Variants in RANBP17 observed in about 807,000 individuals in gnomAD.
RANBP17 encodes ran-binding protein 17.
In RANBP17, 158 loss-of-function variants were observed where a neutral mutation model predicts 141.2. That is an observed-to-expected ratio of 1.12 (90% CI 0.98 to 1.28). RANBP17 has a LOEUF of 1.28. Among genes scored for constraint, RANBP17 ranks in the 50% most tolerant of loss-of-function variants. RANBP17 has a pLI of 0.00. For missense variants in RANBP17, 1,438 were observed against 1,290.7 expected, an observed-to-expected ratio of 1.11 and a Z score of -1.75; for synonymous variants, 430 against 450.0, an observed-to-expected ratio of 0.96 and a Z score of 0.56.
At position 170,930,559 on chromosome 5, in the gene RANBP17, G is replaced by A. The variant is rs565862873; in HGVS notation, c.1468+6009G>A. On this transcript the variant is annotated intron_variant, in intron 12 of 27. Coordinates refer to ENST00000523189, the MANE Select transcript of RANBP17 (RefSeq NM_022897.5). ...ATATCTCCTAATGCTATCCCTCCCC[G>A]CTCCCCCCACTCCCCGGCAGGCCCT... Among the ~76,000 whole-genome samples the A allele has an allele frequency of 5.3e-5, 8 of 151,582 alleles. No homozygotes were observed. In the South Asian group the frequency reaches 6.3e-4, roughly 12 times the overall value.
chr5:171,040,691 AAAG>A (rs1377696760), intron 14 of RANBP17, among the ~76,000 whole-genome samples: 2 of 152,174 alleles, frequency 1.3e-5, no homozygotes, highest in African/African-American at 2.4e-5. Context: ...CTGAGGTAGA[AAAG>A]AAGACCTTAG....
At chr5:171,032,029 AAAAC>A (rs1298069926) in intron 14 of RANBP17, among the ~76,000 whole-genome samples, 1 of 152,128 alleles carries the variant, frequency 6.6e-6, no homozygotes, top group Non-Finnish European at 1.5e-5. Context: ...TATGTCACTT[AAAAC>A]AAACAAATAG....
rs528055976 is a variant in RANBP17 at position 170,998,338 on chromosome 5, A to G, written c.1710+29961A>G. ...TCAAATCATTAGGAACACTCAGGTC[A>G]CTTTGGCATGGAGCTATTTTGTAAA... On this transcript the variant is annotated intron_variant, in intron 14 of 27. Coordinates refer to ENST00000523189, the MANE Select transcript of RANBP17 (RefSeq NM_022897.5). Among the ~76,000 whole-genome samples the G allele has an allele frequency of 2.6e-5, 4 of 152,282 alleles. No homozygotes were observed. The East Asian group carries it at 5.8e-4, about 22-fold the overall frequency.
intron 14 of RANBP17, among the ~76,000 whole-genome samples, chr5:171,165,675 A>G (rs576962551): frequency 1.3e-5 from 2 of 152,352 alleles, no homozygotes; most frequent in East Asian, 1.9e-4. Context: ...GTAAAGAGAA[A>G]TAGACATTTC....
rs564962347 is a variant in RANBP17, at chr5:170,862,300, G to C, written c.18+249G>C. Among the ~76,000 whole-genome samples the C allele has an allele frequency of 2.6e-5, 4 of 152,290 alleles. No homozygotes were observed. The South Asian group carries it at 8.3e-4, about 32-fold the overall frequency. ...TGGGTTGGAGGCGGCGGGTGGAGGG[G>C]GCGGGGGACAGGCCCAGGGCTCGTC... On this transcript the variant is annotated intron_variant, in intron 1 of 27. Transcript: ENST00000523189.
At chr5:170,960,517 T>C (rs4868051) in intron 13 of RANBP17, among the ~76,000 whole-genome samples, 115,065 of 152,078 alleles carry the variant, frequency 0.76, 43,733 homozygotes, top group South Asian at 0.91. Context: ...CTTAACTTTT[T>C]CCCTTTTTCT....
chr5:171,132,649 G>C (rs1311731382), intron 14 of RANBP17, among the ~76,000 whole-genome samples: 2 of 151,758 alleles, frequency 1.3e-5, no homozygotes, highest in Non-Finnish European at 1.5e-5. Context: ...TTTAGCCTTA[G>C]AGTTTGAGGC....
chr5:171,047,023 T>TC (rs1022527219), intron 14 of RANBP17, among the ~76,000 whole-genome samples: 10 of 145,996 alleles, frequency 6.8e-5, no homozygotes, highest in African/African-American at 2.5e-4. Flanking sequence ...CCTTTTTTTT[T>TC]TTTTTTTTTT....
chr5:171,175,061 T>C (rs1271169462), intron 16 of RANBP17, among the ~76,000 whole-genome samples: 1 of 152,118 alleles, frequency 6.6e-6, no homozygotes, highest in Non-Finnish European at 1.5e-5. Flanking sequence ...TTTGGTTTTC[T>C]GTCCCGTGTT....
At chr5:171,219,116 T>C (rs550208789) in intron 21 of RANBP17, among the ~76,000 whole-genome samples, 2 of 152,316 alleles carry the variant, frequency 1.3e-5, no homozygotes, top group African/African-American at 4.8e-5. Flanking sequence ...CATTTGCTTG[T>C]CTGTAAAAGA....
At chr5:171,116,444 A>T (rs984134809) in intron 14 of RANBP17, among the ~76,000 whole-genome samples, 1 of 152,214 alleles carries the variant, frequency 6.6e-6, no homozygotes, top group Non-Finnish European at 1.5e-5. Flanking sequence ...AAATATTAAT[A>T]ACACTGGTGT....
chr5:171,082,373 A>G (rs1025698753), intron 14 of RANBP17, among the ~76,000 whole-genome samples: 1 of 152,210 alleles, frequency 6.6e-6, no homozygotes, highest in Non-Finnish European at 1.5e-5. Context: ...TAAAAGAGCC[A>G]GTTGATCAGT....
intron 14 of RANBP17, among the ~76,000 whole-genome samples, chr5:171,048,510 A>T (rs1192720518): frequency 6.6e-6 from 1 of 151,868 alleles, no homozygotes; most frequent in Non-Finnish European, 1.5e-5. Context: ...TCAGGGGTAC[A>T]TGTGCAGGTT....
chr5:171,071,653 C>CA (rs34555837), intron 14 of RANBP17, among the ~76,000 whole-genome samples: 10,816 of 69,600 alleles, frequency 0.16, 1,736 homozygotes, highest in African/African-American at 0.22. Context: ...CAGCTTTATG[C>CA]AAAAAAAAAA....
At chr5:171,066,558 T>C (rs796138511) in intron 14 of RANBP17, among the ~76,000 whole-genome samples, 21 of 152,364 alleles carry the variant, frequency 1.4e-4, no homozygotes, top group African/African-American at 5.1e-4. Flanking sequence ...ATTTTCTTTA[T>C]CCATTCATCT....
At position 171,183,532 on chromosome 5, in the gene RANBP17, T is replaced by G. The variant is rs1761017105; in HGVS notation, c.2038+102T>G. 5 of 754,042 alleles carry G rather than the reference T, an allele frequency of 6.6e-6. No individual in the cohort carries two copies. The South Asian group carries it at 8.9e-5, about 13-fold the overall frequency. 46.7% of individuals were successfully genotyped at this position (754,042 alleles called of 1,614,324 possible). ...GGGTACAACATTTAACTTATTAGAA[T>G]TAGCGTCTTCTGACAGTTTTCTACA... On this transcript the variant is annotated intron_variant, in intron 18 of 27. Transcript: ENST00000523189.
chr5:171,003,393 T>A (rs1779361861), intron 14 of RANBP17, among the ~76,000 whole-genome samples: 2 of 152,190 alleles, frequency 1.3e-5, no homozygotes, highest in Admixed American at 6.5e-5. Context: ...CAAAACCAGG[T>A]ATCCAAAGGC....
At chr5:170,998,751 A>G (rs2127574293) in intron 14 of RANBP17, among the ~76,000 whole-genome samples, 1 of 152,238 alleles carries the variant, frequency 6.6e-6, no homozygotes, top group African/African-American at 2.4e-5. Context: ...TACAAAATAC[A>G]TATTAGAGGG....
intron 24 of RANBP17, chr5:171,251,758 T>A: frequency 1.1e-6 from 1 of 888,716 alleles, no homozygotes; most frequent in Non-Finnish European, 1.8e-6. Context: ...CCCGTTCCCC[T>A]CCTCCCGCGC....
Sources: allele counts gnomAD v4.1 joint callset (sites outside exome capture counted in the v4.1 genomes callset), GRCh38; gene constraint gnomAD v4.1.1; transcripts MANE v1.5; gene names NCBI Gene and HGNC (gene_info 2026-07-23, HGNC 2026-07-21).